UTRN: variants seen among roughly 807,000 people sequenced by gnomAD.
UTRN encodes the protein dystrophin-related protein 1.
UTRN carries 283 observed loss-of-function variants against 463.9 expected under a neutral mutation model. That is an observed-to-expected ratio of 0.61 (90% CI 0.55 to 0.67). The LOEUF is 0.67. Ranked by LOEUF, UTRN falls within the 30% of genes least tolerant of loss-of-function variation. The probability of loss-of-function intolerance (pLI) is 0.00; values close to 1 mark genes in which losing one functional copy is unlikely to be tolerated. For synonymous variants in UTRN, 1,442 were observed against 1,431.5 expected, an observed-to-expected ratio of 1.01 and a Z score of -0.17; for missense variants, 3,922 against 4,084.3, an observed-to-expected ratio of 0.96 and a Z score of 1.08.
chr6:144,472,030 G>T (rs865970119), intron 23 of UTRN, among the ~76,000 whole-genome samples: 4 of 152,178 alleles, frequency 2.6e-5, no homozygotes, highest in South Asian at 2.1e-4. Context: ...TCCCAAGTGG[G>T]ATTTTTACCC....
At chr6:144,328,904 C>A (rs1776152784) in intron 2 of UTRN, among the ~76,000 whole-genome samples, 1 of 152,028 alleles carries the variant, frequency 6.6e-6, no homozygotes, top group Non-Finnish European at 1.5e-5. Flanking sequence ...CTGCCTCAGT[C>A]TCCCAAGTAG....
chr6:144,370,685 G>A (rs1175548925), intron 2 of UTRN, among the ~76,000 whole-genome samples: 1 of 152,162 alleles, frequency 6.6e-6, no homozygotes, highest in Non-Finnish European at 1.5e-5. Flanking sequence ...TCGTGCACCT[G>A]GAAAAGCCAC....
chr6:144,418,458 C>T (rs1255011194), intron 3 of UTRN, among the ~76,000 whole-genome samples: 3 of 151,440 alleles, frequency 2.0e-5, no homozygotes, highest in South Asian at 2.1e-4. Flanking sequence ...CTCCTGACCT[C>T]GTGGTCCGCC....
chr6:144,582,278 C>T (rs982860222), intron 51 of UTRN, among the ~76,000 whole-genome samples: 23 of 152,180 alleles, frequency 1.5e-4, no homozygotes, highest in African/African-American at 5.5e-4. Flanking sequence ...GAAATTGCAG[C>T]ATTAGCCCGG....
At chr6:144,302,464 T>A (rs1805368782) in intron 2 of UTRN, among the ~76,000 whole-genome samples, 2 of 145,594 alleles carry the variant, frequency 1.4e-5, no homozygotes, top group Admixed American at 1.4e-4. Context: ...GAGACGAGAT[T>A]GTGCCAATGC....
chr6:144,650,368 T>A (rs1778683167), intron 51 of UTRN, among the ~76,000 whole-genome samples: 1 of 152,204 alleles, frequency 6.6e-6, no homozygotes, highest in African/African-American at 2.4e-5. Context: ...GATATTTTGA[T>A]ATTTAAGTAG....
At chr6:144,584,860 G>C (rs1424367286) in intron 51 of UTRN, among the ~76,000 whole-genome samples, 1 of 152,064 alleles carries the variant, frequency 6.6e-6, no homozygotes, top group Non-Finnish European at 1.5e-5. Context: ...TACTTCAGTG[G>C]ATAAGTTTAT....
intron 51 of UTRN, among the ~76,000 whole-genome samples, chr6:144,600,798 T>C (rs7743704): frequency 0.031 from 4,755 of 152,308 alleles, 248 homozygotes; most frequent in African/African-American, 0.11. Context: ...CAATTAGATG[T>C]CATCTGGCAC....
intron 51 of UTRN, among the ~76,000 whole-genome samples, chr6:144,629,231 T>A (rs1356593354): frequency 3.4e-5 from 5 of 145,582 alleles, no homozygotes; most frequent in Admixed American, 1.4e-4. Flanking sequence ...CTACATAGTT[T>A]AAAAAAAAAA....
At chr6:144,424,280 C>G (rs1190069280) in intron 6 of UTRN, among the ~76,000 whole-genome samples, 1 of 152,184 alleles carries the variant, frequency 6.6e-6, no homozygotes, top group Non-Finnish European at 1.5e-5. Flanking sequence ...GAGGGAGACT[C>G]TGATCCAGGC....
chr6:144,293,960 A>G (rs755188529), intron 2 of UTRN, among the ~76,000 whole-genome samples: 1 of 152,030 alleles, frequency 6.6e-6, no homozygotes, highest in African/African-American at 2.4e-5. Context: ...GTAAACAAGT[A>G]TGTATTATAT....
chr6:144,348,654 G>C (rs993180324), intron 2 of UTRN, among the ~76,000 whole-genome samples: 2 of 152,154 alleles, frequency 1.3e-5, no homozygotes, highest in Admixed American at 1.3e-4. Flanking sequence ...GAAAAGAATC[G>C]GCCGGTGCGG....
chr6:144,648,620 G>A lies in UTRN; in HGVS notation c.7480-29786G>A, dbSNP rs557854279. Among the ~76,000 whole-genome samples, 5 of 152,122 alleles carry A rather than the reference G, an allele frequency of 3.3e-5. 1 individual carries two copies. The highest frequency in any genetic ancestry group is 7.4e-5 in the Non-Finnish European group (5 of 68,020). On this transcript the variant is annotated intron_variant, in intron 51 of 74. Coordinates refer to ENST00000367545, the MANE Select transcript of UTRN (RefSeq NM_007124.3). ...AGATGGGAGCCTCTCTGTCCTGGGG[G>A]CAATTTATGAGTTAAGATGAGTGCA...
intron 2 of UTRN, among the ~76,000 whole-genome samples, chr6:144,391,610 T>C (rs6570626): frequency 0.72 from 108,808 of 152,100 alleles, 39,402 homozygotes; most frequent in African/African-American, 0.83. Flanking sequence ...TTCATACAGC[T>C]TGCATGTAAA....
chr6:144,396,808 G>C (rs564576064), intron 2 of UTRN, among the ~76,000 whole-genome samples: 1 of 149,916 alleles, frequency 6.7e-6, no homozygotes, highest in Non-Finnish European at 1.5e-5. Context: ...TGCATGTCAT[G>C]AGGGGTAAGT....
At chr6:144,350,966 T>G (rs1324701892) in intron 2 of UTRN, among the ~76,000 whole-genome samples, 4 of 152,236 alleles carry the variant, frequency 2.6e-5, no homozygotes, top group Non-Finnish European at 5.9e-5. Flanking sequence ...AGACTAGTAG[T>G]TATTTAGATA....
At chr6:144,667,333 C>T (rs1368132243) in intron 51 of UTRN, among the ~76,000 whole-genome samples, 4 of 152,180 alleles carry the variant, frequency 2.6e-5, no homozygotes, top group Admixed American at 1.3e-4. Context: ...TCTGGGATTC[C>T]AGGCTTGAGC....
intron 51 of UTRN, among the ~76,000 whole-genome samples, chr6:144,602,467 A>G (rs1804360323): frequency 6.6e-6 from 1 of 152,100 alleles, no homozygotes; most frequent in Non-Finnish European, 1.5e-5. Flanking sequence ...ATCACAAAAG[A>G]TCACCAAACT....
chr6:144,597,415 T>C (rs1162496690), intron 51 of UTRN, among the ~76,000 whole-genome samples: 1 of 152,214 alleles, frequency 6.6e-6, no homozygotes, highest in African/African-American at 2.4e-5. Flanking sequence ...GCATGAAATA[T>C]GTAGAGTTGA....
Sources: allele counts gnomAD v4.1 joint callset (sites outside exome capture counted in the v4.1 genomes callset), GRCh38; gene constraint gnomAD v4.1.1; transcripts MANE v1.5; gene names NCBI Gene and HGNC (gene_info 2026-07-23, HGNC 2026-07-21).